UBE2D2: variants seen among roughly 807,000 people sequenced by gnomAD.
The protein encoded by UBE2D2 is ubiquitin conjugating enzyme E2 D2.
A neutral mutation model predicts 24.2 loss-of-function variants in UBE2D2; 2 were observed. The observed-to-expected ratio is 0.08, with a 90% confidence interval of 0.03 to 0.26. UBE2D2 has a LOEUF of 0.26. UBE2D2 is among the 10% of genes least tolerant of loss of function. The probability of loss-of-function intolerance (pLI) is 1.00; values close to 1 mark genes in which losing one functional copy is unlikely to be tolerated. For synonymous variants in UBE2D2, 58 were observed against 56.5 expected (o/e 1.03, Z -0.12); for missense variants, 44 against 177.6 (o/e 0.25, Z 4.28).
chr5:139,561,447 G>A lies in UBE2D2; in HGVS notation c.-345G>A, dbSNP rs1430251924. On this transcript the variant is annotated 5_prime_UTR_variant, in exon 1 of 7. Transcript: ENST00000398733. ...GCTGTCCGACCAAGAGAGGCCGGCC[G>A]AGCCCGAGGCTTGGGCTTTTGCTTT... The A allele has an allele frequency of 1.1e-5, 3 of 278,982 alleles. No homozygotes were observed. The highest frequency in any genetic ancestry group is 2.0e-5 in the Non-Finnish European group (3 of 148,768). The allele number at this position is 278,982 out of a possible 1,614,324, so 17.3% of individuals were successfully genotyped here.
Position 139,561,783 on chromosome 5 carries a change from C to T in UBE2D2, c.-9C>T, listed in dbSNP as rs1753104732. 2.0e-6 allele frequency: 3 copies of T among 1,503,232 alleles called. No individual in the cohort carries two copies. Among genetic ancestry groups the T allele is most frequent in the Admixed American group, 5.1e-5 (2 of 39,552 alleles). 93.1% of individuals were successfully genotyped at this position (1,503,232 alleles called of 1,614,324 possible). On this transcript the variant is annotated 5_prime_UTR_variant, in exon 1 of 7. Transcript: ENST00000398733. ...CCGCCCCGGGGGCCGCCGCCACCCG[C>T]CTCCCACCATGGCTCTGAAGAGAAT...
intron 2 of UBE2D2, among the ~76,000 whole-genome samples, chr5:139,610,310 A>T (rs1754288331): frequency 1.3e-5 from 2 of 152,004 alleles, no homozygotes; most frequent in Non-Finnish European, 2.9e-5. Flanking sequence ...TGGGAGGTCG[A>T]AGTGGGCGGA....
chr5:139,567,146 C>G (rs1753242020), intron 1 of UBE2D2, among the ~76,000 whole-genome samples: 1 of 152,150 alleles, frequency 6.6e-6, no homozygotes, highest in African/African-American at 2.4e-5. Flanking sequence ...GTCGCCCAGG[C>G]TGGAGTGCAG....
chr5:139,566,946 C>T (rs1753237503), intron 1 of UBE2D2, among the ~76,000 whole-genome samples: 1 of 151,472 alleles, frequency 6.6e-6, no homozygotes, highest in South Asian at 2.1e-4. Flanking sequence ...ACAAAATACG[C>T]ATTTTTGGTC....
intron 2 of UBE2D2, among the ~76,000 whole-genome samples, chr5:139,610,057 C>T (rs1271385544): frequency 2.0e-5 from 3 of 151,958 alleles, no homozygotes; most frequent in African/African-American, 4.8e-5. Flanking sequence ...AGGTGTGAGC[C>T]GCTGCGCCTG....
At position 139,627,737 on chromosome 5, in the gene UBE2D2, T is replaced by C. The variant is rs547893957; in HGVS notation, c.*936T>C. ...TTCATTTTTAAGAAGTTTGTCTAGC[T>C]GAGATTAGTGGTGGATTTTCTCCCA... On this transcript the variant is annotated 3_prime_UTR_variant, in exon 7 of 7. Transcript: ENST00000398733. The C allele has an allele frequency of 3.3e-5, 5 of 152,788 alleles. No homozygotes were observed. The highest frequency in any genetic ancestry group is 1.2e-4 in the African/African-American group (5 of 41,602). The allele number at this position is 152,788 out of a possible 1,614,324, so 9.5% of individuals were successfully genotyped here.
At chr5:139,619,222 C>A (rs368957486) in intron 5 of UBE2D2, among the ~76,000 whole-genome samples, 2 of 151,918 alleles carry the variant, frequency 1.3e-5, no homozygotes, top group African/African-American at 4.8e-5. Flanking sequence ...ATAGTGAAAC[C>A]TGATTTCTAC....
chr5:139,540,674 T>C (rs900079315), intron 1 of UBE2D2, among the ~76,000 whole-genome samples: 84 of 152,324 alleles, frequency 5.5e-4, no homozygotes, highest in African/African-American at 2.0e-3. Flanking sequence ...ACAGTGTCTA[T>C]ATTTGTGTAT....
At chr5:139,577,542 T>A (rs894674819) in intron 1 of UBE2D2, among the ~76,000 whole-genome samples, 3 of 151,314 alleles carry the variant, frequency 2.0e-5, no homozygotes, top group African/African-American at 7.3e-5. Flanking sequence ...TCCTCTCGAG[T>A]AGCTAGGATT....
chr5:139,555,924 CAAAAAAAAAAAAA>C (rs1168084041), intron 1 of UBE2D2, among the ~76,000 whole-genome samples: 11 of 9,296 alleles, frequency 1.2e-3, no homozygotes, highest in African/African-American at 2.8e-3. Context: ...GACTCCATCT[CAAAAAAAAAAAAA>C]AAAAAAAAAA....
chr5:139,530,533 T>C (rs980132907), intron 1 of UBE2D2, among the ~76,000 whole-genome samples: 2 of 152,190 alleles, frequency 1.3e-5, no homozygotes, highest in Non-Finnish European at 2.9e-5. Context: ...AACTGAATCA[T>C]ACAGTTGCAA....
At chr5:139,577,213 T>C (rs1753492183) in intron 1 of UBE2D2, among the ~76,000 whole-genome samples, 2 of 152,098 alleles carry the variant, frequency 1.3e-5, no homozygotes, top group Admixed American at 1.3e-4. Context: ...GTAAAGTCCA[T>C]GAAAAGTATT....
At chr5:139,548,193 A>AATAAAAATAAAAAT (rs1752862553) in intron 1 of UBE2D2, among the ~76,000 whole-genome samples, 2 of 47,114 alleles carry the variant, frequency 4.2e-5, no homozygotes, top group South Asian at 6.6e-4. Flanking sequence ...ATAAAAAAAA[A>AATAAAAATAAAAAT]AAATAAATAA....
chr5:139,606,455 G>A (rs958147676), intron 2 of UBE2D2, among the ~76,000 whole-genome samples: 2 of 152,072 alleles, frequency 1.3e-5, no homozygotes, highest in African/African-American at 2.4e-5. Flanking sequence ...GAGCCACTGC[G>A]CCCGGCCTGT....
chr5:139,533,720 G>A (rs1752627153), intron 1 of UBE2D2, among the ~76,000 whole-genome samples: 1 of 151,972 alleles, frequency 6.6e-6, no homozygotes, highest in African/African-American at 2.4e-5. Context: ...ATTACTGGGA[G>A]CGTCAGAAAA....
In UBE2D2 at chr5:139,570,943, AC is replaced by A. The variant is rs1174715337; in HGVS notation, c.24+9129del. Among the ~76,000 whole-genome samples, 23 of 152,288 alleles carry A rather than the reference AC, an allele frequency of 1.5e-4. No homozygotes were observed. The East Asian group carries it at 4.4e-3, about 29-fold the overall frequency. ...GAAAGTAAAGGAATAAAGAATGGCTACTCCCTAGGCAGAGCAGCCTCAAATG... is the reference window on the plus strand; with the variant it reads ...GAAAGTAAAGGAATAAAGAATGGCTATCCCTAGGCAGAGCAGCCTCAAATG... On this transcript the variant is annotated intron_variant, in intron 1 of 6. Coordinates refer to ENST00000398733, the MANE Select transcript of UBE2D2 (RefSeq NM_003339.3).
intron 1 of UBE2D2, among the ~76,000 whole-genome samples, chr5:139,594,369 A>G (rs189553184): frequency 3.9e-5 from 6 of 152,076 alleles, no homozygotes; most frequent in East Asian, 1.9e-4. Context: ...TAGGCTTTCA[A>G]AGTTTCAGTG....
chr5:139,624,703 C>T (rs185898720), intron 6 of UBE2D2, among the ~76,000 whole-genome samples: 337 of 152,336 alleles, frequency 2.2e-3, no homozygotes, highest in South Asian at 8.3e-3. Flanking sequence ...ATTGCTTAAA[C>T]TCAGGACGTT....
intron 1 of UBE2D2, among the ~76,000 whole-genome samples, chr5:139,583,458 A>G (rs572685966): frequency 2.6e-5 from 4 of 152,252 alleles, no homozygotes; most frequent in South Asian, 4.2e-4. Context: ...AATATATACA[A>G]TTTTGTCAAT....
Sources: allele counts gnomAD v4.1 joint callset (sites outside exome capture counted in the v4.1 genomes callset), GRCh38; gene constraint gnomAD v4.1.1; transcripts MANE v1.5; gene names NCBI Gene and HGNC (gene_info 2026-07-23, HGNC 2026-07-21).